COG5: variants seen among roughly 807,000 people sequenced by gnomAD.
The protein encoded by COG5 is conserved oligomeric Golgi complex subunit 5.
Under a neutral mutation model 110.4 loss-of-function variants are expected in COG5, and 86 were observed. The ratio of observed to expected loss-of-function variants is 0.78; its 90% CI spans 0.65 to 0.93. The LOEUF (loss-of-function observed/expected upper bound fraction) is 0.93. Ranked by LOEUF, COG5 falls within the 40% of genes least tolerant of loss-of-function variation. The pLI is 0.00. For missense variants in COG5, 1,077 were observed against 987.0 expected (o/e 1.09, Z -1.22); for synonymous variants, 360 against 334.6 (o/e 1.08, Z -0.83).
chr7:107,211,225 T>A lies in COG5; in HGVS notation c.2169A>T (p.Arg723Ser), dbSNP rs772261764. 3 of 1,613,850 alleles carry A rather than the reference T, an allele frequency of 1.9e-6. No individual in the cohort carries two copies. Among genetic ancestry groups the A allele is most frequent in the Non-Finnish European group, 2.5e-6 (3 of 1,179,860 alleles). Residue 723 changes from arginine (R) to serine (S), a missense_variant and splice_region_variant, in exon 20 of 22, where the codon AGA becomes AGT. By Grantham distance (110) the Arg-to-Ser change is moderately radical. Coordinates refer to ENST00000297135, the MANE Select transcript of COG5 (RefSeq NM_006348.5). ...GTTCACTTGCCTGGAAGAGCAGAGG[T>A]CTAGACGGGAAAAACAGAAGTTATT... is the stretch of plus-strand genomic sequence containing the variant. ...GKSYRMLRSF[R>S]PLLFQASEHV...
At chr7:107,547,542 G>A (rs1486135158) in intron 5 of COG5, among the ~76,000 whole-genome samples, 2 of 152,148 alleles carry the variant, frequency 1.3e-5, no homozygotes, top group Admixed American at 6.5e-5. Context: ...AGGCAAGTGA[G>A]AAATAAAAGG....
At chr7:107,519,194 A>T (rs906634876) in intron 6 of COG5, among the ~76,000 whole-genome samples, 1 of 152,186 alleles carries the variant, frequency 6.6e-6, no homozygotes, top group Non-Finnish European at 1.5e-5. Context: ...CACAGGAGAA[A>T]GCAGGAAAGA....
intron 10 of COG5, among the ~76,000 whole-genome samples, chr7:107,347,373 AG>A (rs1754312983): frequency 6.6e-6 from 1 of 152,224 alleles, no homozygotes; most frequent in South Asian, 2.1e-4. Context: ...TCAGTATAAA[AG>A]TTAGACACAA....
At chr7:107,394,038 T>C (rs1181355696) in intron 7 of COG5, among the ~76,000 whole-genome samples, 1 of 151,948 alleles carries the variant, frequency 6.6e-6, no homozygotes, top group Admixed American at 6.6e-5. Context: ...CTCAGCTCAC[T>C]GCAAGCTCCA....
chr7:107,244,917 G>A (rs1376833287), intron 17 of COG5, among the ~76,000 whole-genome samples: 1 of 152,110 alleles, frequency 6.6e-6, no homozygotes, highest in East Asian at 1.9e-4. Context: ...CCAAAAAATG[G>A]AGGAAGAGGG....
Position 107,201,383 on chromosome 7 carries a change from A to ACATT in COG5, c.*2129_*2132dup, listed in dbSNP as rs1319079437. 1 of 1,451,912 alleles carries ACATT rather than the reference A, an allele frequency of 6.9e-7. No individual in the cohort carries two copies. The highest frequency in any genetic ancestry group is 9.7e-7 in the Non-Finnish European group (1 of 1,035,670). The allele number at this position is 1,451,912 out of a possible 1,614,324, so 89.9% of individuals were successfully genotyped here. ...AGGATTACTATGTATTGATTTGTAA[A>ACATT]CATTCACTGAGTTTAATTTTATTTC... On this transcript the variant is annotated 3_prime_UTR_variant, in exon 22 of 22. Coordinates refer to ENST00000297135, the MANE Select transcript of COG5 (RefSeq NM_006348.5).
At chr7:107,368,373 T>C (rs2129048593) in intron 8 of COG5, among the ~76,000 whole-genome samples, 1 of 152,100 alleles carries the variant, frequency 6.6e-6, no homozygotes, top group East Asian at 1.9e-4. Context: ...CACATATGAA[T>C]GATAAAACTA....
chr7:107,558,415 T>A (rs1803491385), intron 1 of COG5, among the ~76,000 whole-genome samples: 1 of 146,262 alleles, frequency 6.8e-6, no homozygotes, highest in Admixed American at 6.9e-5. Flanking sequence ...CTGGCCAACA[T>A]GGTGAAACCT....
chr7:107,325,139 T>C (rs995717614), intron 10 of COG5, among the ~76,000 whole-genome samples: 3 of 152,208 alleles, frequency 2.0e-5, no homozygotes, highest in African/African-American at 7.2e-5. Flanking sequence ...TTTGAATATA[T>C]GTTTTAAAAA....
intron 6 of COG5, among the ~76,000 whole-genome samples, chr7:107,486,021 A>G (rs1797635829): frequency 6.6e-6 from 1 of 152,144 alleles, no homozygotes; most frequent in Admixed American, 6.6e-5. Flanking sequence ...AAGAAAAGCA[A>G]GTCTCCAGGG....
At position 107,311,793 on chromosome 7, in the gene COG5, A is replaced by T. The variant is rs551577048; in HGVS notation, c.1108+12647T>A. ...GCCTTACCTTTAGTGTTAATTAAAA[A>T]TTTTTTTTCTATTTTGTCATTTTTC... On this transcript the variant is annotated intron_variant, in intron 11 of 21. Transcript: ENST00000297135. Among the ~76,000 whole-genome samples the T allele has an allele frequency of 1.2e-3, 189 of 151,492 alleles. No individual in the cohort carries two copies. In the Middle Eastern group the frequency reaches 0.017, roughly 14 times the overall value.
At chr7:107,220,858 C>A (rs1330168288) in intron 19 of COG5, among the ~76,000 whole-genome samples, 1 of 147,276 alleles carries the variant, frequency 6.8e-6, no homozygotes, top group Non-Finnish European at 1.5e-5. Context: ...CGCTTTGTCG[C>A]CCAGGCTGGA....
chr7:107,472,244 G>GA (rs1293490385), intron 6 of COG5: 1 of 151,900 alleles, frequency 6.6e-6, no homozygotes, highest in African/African-American at 2.4e-5. Flanking sequence ...GTATTGGAGA[G>GA]AAAACGAAAG....
At chr7:107,481,315 T>C (rs753351181) in intron 6 of COG5, among the ~76,000 whole-genome samples, 3 of 152,102 alleles carry the variant, frequency 2.0e-5, no homozygotes, top group Admixed American at 2.0e-4. Context: ...AAACTGCTTT[T>C]CCCTCAGACA....
intron 6 of COG5, among the ~76,000 whole-genome samples, chr7:107,415,745 T>G (rs1382489417): frequency 6.8e-6 from 1 of 147,786 alleles, no homozygotes; most frequent in Non-Finnish European, 1.5e-5. Context: ...TATAAATACA[T>G]GTATGTATAT....
At chr7:107,366,974 T>C (rs900907328) in intron 8 of COG5, among the ~76,000 whole-genome samples, 1 of 152,136 alleles carries the variant, frequency 6.6e-6, no homozygotes, top group Non-Finnish European at 1.5e-5. Flanking sequence ...AGTTTAATTT[T>C]GAGGTGATAT....
At chr7:107,366,532 C>G (rs977046983) in intron 8 of COG5, among the ~76,000 whole-genome samples, 1 of 152,090 alleles carries the variant, frequency 6.6e-6, no homozygotes, top group Non-Finnish European at 1.5e-5. Flanking sequence ...AACTGACACA[C>G]AGCGTTCAAC....
At chr7:107,374,240 C>T (rs1814439353) in intron 7 of COG5, among the ~76,000 whole-genome samples, 1 of 152,014 alleles carries the variant, frequency 6.6e-6, no homozygotes. Flanking sequence ...TCTCCCAAGA[C>T]TGTTTTATCT....
At chr7:107,459,964 T>C (rs1006159466) in intron 6 of COG5, among the ~76,000 whole-genome samples, 38 of 152,228 alleles carry the variant, frequency 2.5e-4, no homozygotes, top group East Asian at 5.8e-4. Flanking sequence ...ATCACCAAGA[T>C]AGATTATATA....
Sources: allele counts gnomAD v4.1 joint callset (sites outside exome capture counted in the v4.1 genomes callset), GRCh38; gene constraint gnomAD v4.1.1; transcripts MANE v1.5; gene names NCBI Gene and HGNC (gene_info 2026-07-23, HGNC 2026-07-21).